DNAH17: variants seen among roughly 807,000 people sequenced by gnomAD.
The protein encoded by DNAH17 is dynein axonemal heavy chain 17.
In DNAH17, 376 loss-of-function variants were observed where a neutral mutation model predicts 485.6. That is an observed-to-expected ratio of 0.77 (90% confidence interval 0.71 to 0.84). The LOEUF (loss-of-function observed/expected upper bound fraction) is 0.84. Among genes scored for constraint, DNAH17 ranks in the 40% least tolerant of loss-of-function variants. The pLI, the probability that DNAH17 is intolerant of heterozygous loss-of-function variation, is 0.00. For missense variants in DNAH17, 6,370 were observed against 5,839.3 expected (o/e 1.09, Z -2.96); for synonymous variants, 3,031 against 2,405.9 (o/e 1.26, Z -7.60).
At chr17:78,473,380 T>TA (rs1457105631) in intron 54 of DNAH17, among the ~76,000 whole-genome samples, 1 of 151,734 alleles carries the variant, frequency 6.6e-6, no homozygotes, top group Non-Finnish European at 1.5e-5. Context: ...CCGTCTCTAC[T>TA]AAAAATACAA....
chr17:78,490,760 G>A lies in DNAH17; in HGVS notation c.6757C>T (p.Pro2253Ser), dbSNP rs2089814678. Residue 2253 changes from proline to serine, a missense_variant, in exon 44 of 81, where the codon CCA becomes TCA. Physicochemically the swap from Pro to Ser is moderately conservative, Grantham distance 74 (BLOSUM62 -1). Coordinates refer to ENST00000389840, the MANE Select transcript of DNAH17 (RefSeq NM_173628.4). ...FEISHLRTAT[P>S]ATVSRAGILY... ...ATGCCGGCTCTGGAAACGGTGGCTGGGGTGGCCGTCCTCAGGTGGCTGATT... is the reference window on the plus strand; with the variant it reads ...ATGCCGGCTCTGGAAACGGTGGCTGAGGTGGCCGTCCTCAGGTGGCTGATT... 1.9e-6 allele frequency: 3 copies of A among 1,606,314 alleles called. No homozygotes were observed. Among genetic ancestry groups the A allele is most frequent in the South Asian group, 1.1e-5 (1 of 89,484 alleles).
chr17:78,523,646 C>T (rs187827734), intron 25 of DNAH17, among the ~76,000 whole-genome samples: 263 of 152,352 alleles, frequency 1.7e-3, no homozygotes, highest in Middle Eastern at 3.4e-3. Flanking sequence ...AGGCTGATGC[C>T]TGTAATACCA....
At chr17:78,499,202 G>A in intron 36 of DNAH17, 90 bp from the exon 37 acceptor site, 2 of 963,276 alleles carry the variant, frequency 2.1e-6, no homozygotes, top group Non-Finnish European at 3.0e-6. Context: ...CTTCGGCTGT[G>A]TTTTCTCTTC....
intron 11 of DNAH17, among the ~76,000 whole-genome samples, chr17:78,563,181 A>T (rs919774871): frequency 2.0e-5 from 3 of 152,178 alleles, no homozygotes; most frequent in Admixed American, 1.3e-4. Context: ...AAATTGTTCA[A>T]ATCTTCCTTA....
At chr17:78,428,873 G>A (rs570230269) in intron 76 of DNAH17, among the ~76,000 whole-genome samples, 166 bp from the exon 77 acceptor site, 3 of 133,322 alleles carry the variant, frequency 2.3e-5, no homozygotes, top group African/African-American at 8.5e-5. Context: ...TGCTCCCAGC[G>A]ACATAAAGGA....
chr17:78,426,820 C>A (rs1330890305), intron 78 of DNAH17, 106 bp downstream of exon 78: 2 of 1,387,788 alleles, frequency 1.4e-6, no homozygotes, highest in Non-Finnish European at 2.0e-6. Flanking sequence ...GGGAGCAGTA[C>A]CATGCTGATC....
chr17:78,575,466 GT>G (rs895511725), intron 1 of DNAH17, among the ~76,000 whole-genome samples: 4 of 152,210 alleles, frequency 2.6e-5, no homozygotes, highest in African/African-American at 4.8e-5. Context: ...GGGGGGTCAG[GT>G]TGAAAGGTCC....
intron 14 of DNAH17, among the ~76,000 whole-genome samples, chr17:78,554,949 G>A (rs138166645): frequency 1.9e-4 from 29 of 152,214 alleles, no homozygotes; most frequent in East Asian, 3.9e-4. Flanking sequence ...GTATTAGCAC[G>A]TTGGCCAGGC....
intron 9 of DNAH17, among the ~76,000 whole-genome samples, chr17:78,567,660 C>T (rs1403680426): frequency 6.6e-6 from 1 of 152,166 alleles, no homozygotes; most frequent in Admixed American, 6.5e-5. Context: ...TGGATGGACA[C>T]ACGTGTAGAA....
intron 74 of DNAH17, 53 bp from the exon 75 acceptor site, chr17:78,434,273 G>A: frequency 6.5e-7 from 1 of 1,538,388 alleles, no homozygotes; most frequent in South Asian, 1.2e-5. Context: ...AGTTTACACA[G>A]AAATGCCCCT....
At chr17:78,468,400 A>C (rs902731897) in intron 55 of DNAH17, among the ~76,000 whole-genome samples, 1 of 152,040 alleles carries the variant, frequency 6.6e-6, no homozygotes, top group African/African-American at 2.4e-5. Context: ...CGACTGTAAA[A>C]CATTTCTTTT....
intron 14 of DNAH17, 139 bp downstream of exon 14, chr17:78,557,969 C>A: frequency 9.6e-7 from 1 of 1,045,700 alleles, no homozygotes; most frequent in South Asian, 1.7e-5. Context: ...AGTAAGTATG[C>A]AGTGAATGGA....
chr17:78,429,053 TGGCAGGCTCTCACC>T, intron 76 of DNAH17, 54 bp downstream of exon 76: 1 of 1,530,440 alleles, frequency 6.5e-7, no homozygotes. Context: ...CCATTTGTGC[TGGCAGGCTCTCACC>T]GGGAGGCACG....
intron 11 of DNAH17, among the ~76,000 whole-genome samples, chr17:78,564,869 C>T (rs1178966486): frequency 6.6e-6 from 1 of 152,024 alleles, no homozygotes; most frequent in Admixed American, 6.5e-5. Context: ...AGCCTGGGGG[C>T]ATTTGAGTGG....
intron 54 of DNAH17, among the ~76,000 whole-genome samples, chr17:78,474,987 G>GTCATGCGGGCCGGAAGGTTTAACACC (rs1285057732): frequency 8.6e-6 from 1 of 116,422 alleles, no homozygotes; most frequent in African/African-American, 4.2e-5. Context: ...GGTTTCACAC[G>GTCATGCGGGCCGGAAGGTTTAACACC]CTTCACCTCA....
chr17:78,570,718 C>T (rs1364000262), intron 6 of DNAH17, among the ~76,000 whole-genome samples: 1 of 151,728 alleles, frequency 6.6e-6, no homozygotes, highest in Non-Finnish European at 1.5e-5. Context: ...ATTAGCTGGG[C>T]ATGGTGGCAC....
intron 41 of DNAH17, chr17:78,493,100 C>T (rs924275947): frequency 1.0e-5 from 2 of 197,808 alleles, no homozygotes; most frequent in Admixed American, 1.1e-4. Context: ...ATCAGCCCGC[C>T]TTGGCCTCCC....
intron 1 of DNAH17, among the ~76,000 whole-genome samples, chr17:78,577,023 G>A (rs1211254197): frequency 1.3e-5 from 2 of 152,208 alleles, no homozygotes; most frequent in Admixed American, 6.5e-5. Context: ...GCTGGGGCTA[G>A]GGGCTTCCAG....
Position 78,437,675 on chromosome 17 carries a change from G to GCCA in DNAH17, c.11998_11999insTGG (p.His3999_Ala4000insVal), listed in dbSNP as rs2086894928. 1 of 1,611,404 alleles carries GCCA rather than the reference G, an allele frequency of 6.2e-7. No individual in the cohort carries two copies. On this transcript the variant is annotated inframe_insertion, in exon 74 of 81. Transcript: ENST00000389840. ...CAGGTCCAGGGCCTTGTGCAAGTTG[G>GCCA]CGTGCATGCCCGTGGGGGGCTCGTT...
Sources: gnomAD v4.1 joint callset for allele counts (sites outside exome capture counted in the v4.1 genomes callset) on GRCh38, gnomAD v4.1.1 for gene constraint, MANE v1.5 for transcripts, NCBI Gene and HGNC (gene_info 2026-07-23, HGNC 2026-07-21) for gene names.